CRPPA: variants seen among roughly 807,000 people sequenced by gnomAD.
The protein encoded by CRPPA is CDP-L-ribitol pyrophosphorylase A, also known as D-ribitol-5-phosphate cytidylyltransferase.
In CRPPA, 43 loss-of-function variants were observed where a neutral mutation model predicts 52.0. That is an observed-to-expected ratio of 0.83 (90% CI 0.65 to 1.07). The LOEUF is 1.07. Ranked by LOEUF, CRPPA falls within the 50% of genes least tolerant of loss-of-function variation. The pLI is 0.00. For missense variants in CRPPA, 629 were observed against 551.7 expected (o/e 1.14, Z -1.40); for synonymous variants, 250 against 203.5 (o/e 1.23, Z -1.94).
At chr7:16,120,697 T>C (rs944166061) in intron 9 of CRPPA, among the ~76,000 whole-genome samples, 2 of 152,118 alleles carry the variant, frequency 1.3e-5, no homozygotes, top group African/African-American at 4.8e-5. Flanking sequence ...CAAAACCTCA[T>C]TGAAGTCATC....
At chr7:16,387,070 T>TATATATATATATACAC (rs1787301208) in intron 2 of CRPPA, among the ~76,000 whole-genome samples, 4 of 67,610 alleles carry the variant, frequency 5.9e-5, no homozygotes, top group Non-Finnish European at 5.4e-5. Flanking sequence ...TATATATATA[T>TATATATATATATACAC]ATATATATAT....
chr7:16,276,769 G>A (rs962695609), intron 6 of CRPPA: 6 of 152,146 alleles, frequency 3.9e-5, no homozygotes, highest in African/African-American at 1.4e-4. Context: ...AAGGGAGATA[G>A]TAGGTAATGA....
intron 3 of CRPPA, among the ~76,000 whole-genome samples, chr7:16,317,690 G>C (rs1237457341): frequency 4.6e-5 from 7 of 152,120 alleles, no homozygotes; most frequent in African/African-American, 1.7e-4. Context: ...CGACTACTGT[G>C]AACAATGCAT....
At chr7:16,118,900 G>T (rs1452869383) in intron 9 of CRPPA, among the ~76,000 whole-genome samples, 1 of 152,150 alleles carries the variant, frequency 6.6e-6, no homozygotes, top group Non-Finnish European at 1.5e-5. Flanking sequence ...GGCAGTAGTT[G>T]TGTCCTCAGT....
intron 6 of CRPPA, among the ~76,000 whole-genome samples, chr7:16,277,716 A>C (rs1004608208): frequency 1.3e-5 from 2 of 152,130 alleles, no homozygotes; most frequent in African/African-American, 4.8e-5. Flanking sequence ...TCGCTTTTCC[A>C]ATATCATGAT....
chr7:16,325,316 G>T (rs1408232858), intron 3 of CRPPA, among the ~76,000 whole-genome samples: 1 of 152,188 alleles, frequency 6.6e-6, no homozygotes, highest in Non-Finnish European at 1.5e-5. Context: ...AGATTAGACA[G>T]ATTAAGCAGT....
chr7:16,395,340 C>G lies in CRPPA; in HGVS notation c.534+10721G>C, dbSNP rs116557647. 2.8e-3 allele frequency among the ~76,000 whole-genome samples: 431 copies of G among 152,254 alleles called. 2 individuals carry two copies. Among genetic ancestry groups the G allele is most frequent in the African/African-American group, 9.8e-3 (408 of 41,550 alleles). ...TACTATGATGCATCCATACAGCAGG[C>G]ACTAACATGCATTTCTCCTCAGGCA... On this transcript the variant is annotated intron_variant, in intron 2 of 9. Transcript: ENST00000407010.
chr7:16,180,190 T>C (rs1393611973), intron 9 of CRPPA, among the ~76,000 whole-genome samples: 1 of 152,090 alleles, frequency 6.6e-6, no homozygotes, highest in African/African-American at 2.4e-5. Context: ...CAAACTCTGT[T>C]GCCCAATCCT....
In CRPPA at chr7:16,172,723, T is replaced by C. The variant is rs568937288; in HGVS notation, c.1251+43343A>G. Among the ~76,000 whole-genome samples the C allele has an allele frequency of 4.1e-3, 627 of 152,296 alleles. 1 individual carries two copies. Among genetic ancestry groups the C allele is most frequent in the Non-Finnish European group, 7.1e-3 (485 of 68,026 alleles). On this transcript the variant is annotated intron_variant, in intron 9 of 9. Coordinates refer to ENST00000407010, the MANE Select transcript of CRPPA (RefSeq NM_001101426.4). ...ATAGGCATGTAGGTAATTGACAAGA[T>C]ACTTAACATGGTACTTTCAATCCTA...
intron 8 of CRPPA, among the ~76,000 whole-genome samples, chr7:16,245,892 T>A (rs1056168208): frequency 6.6e-6 from 1 of 152,148 alleles, no homozygotes; most frequent in Non-Finnish European, 1.5e-5. Flanking sequence ...AAAATCCTAA[T>A]GAACATTTGA....
chr7:16,129,448 G>T (rs566878195), intron 9 of CRPPA, among the ~76,000 whole-genome samples: 3 of 151,838 alleles, frequency 2.0e-5, no homozygotes, highest in Admixed American at 6.6e-5. Flanking sequence ...GATCTCCTGC[G>T]TTGGTCAAAT....
intron 3 of CRPPA, among the ~76,000 whole-genome samples, chr7:16,314,433 A>T (rs1785099517): frequency 6.6e-6 from 1 of 152,080 alleles, no homozygotes; most frequent in African/African-American, 2.4e-5. Flanking sequence ...ACAATCAGAT[A>T]CATCGTTGCT....
intron 9 of CRPPA, among the ~76,000 whole-genome samples, chr7:16,153,082 T>C (rs980520537): frequency 2.0e-5 from 3 of 152,102 alleles, no homozygotes; most frequent in Admixed American, 6.5e-5. Flanking sequence ...CAAAGAACCA[T>C]GTTGCTCACA....
chr7:16,103,802 GA>G (rs1207468376), intron 9 of CRPPA, among the ~76,000 whole-genome samples: 1 of 152,154 alleles, frequency 6.6e-6, no homozygotes, highest in African/African-American at 2.4e-5. Context: ...AGGAGGGATA[GA>G]AAGCTTATCC....
chr7:16,242,028 G>A (rs1583458974), intron 8 of CRPPA, among the ~76,000 whole-genome samples: 1 of 134,970 alleles, frequency 7.4e-6, no homozygotes. Flanking sequence ...GTGCGATCTC[G>A]GTTCACTGCC....
At chr7:16,135,379 G>A (rs1403132045) in intron 9 of CRPPA, among the ~76,000 whole-genome samples, 1 of 152,038 alleles carries the variant, frequency 6.6e-6, no homozygotes. Context: ...GAGCCTTTAT[G>A]CCTTATAATT....
intron 9 of CRPPA, among the ~76,000 whole-genome samples, chr7:16,195,028 T>C (rs1170714153): frequency 6.6e-6 from 1 of 151,974 alleles, no homozygotes. Context: ...CCACCAAGAA[T>C]CATGGTGGTA....
At chr7:16,211,877 T>C (rs1350920842) in intron 9 of CRPPA, among the ~76,000 whole-genome samples, 4 of 152,146 alleles carry the variant, frequency 2.6e-5, no homozygotes, top group East Asian at 1.9e-4. Context: ...GCCCAGACAA[T>C]AGAGAAGAAC....
chr7:16,271,930 T>C (rs1239243838), intron 6 of CRPPA, among the ~76,000 whole-genome samples: 3 of 152,212 alleles, frequency 2.0e-5, no homozygotes, highest in African/African-American at 7.2e-5. Context: ...GTAAATAAAC[T>C]AGAGAATTTA....
Sources: gnomAD v4.1 joint callset for allele counts (sites outside exome capture counted in the v4.1 genomes callset) on GRCh38, gnomAD v4.1.1 for gene constraint, MANE v1.5 for transcripts, NCBI Gene and HGNC (gene_info 2026-07-23, HGNC 2026-07-21) for gene names.